The following MALRD1 variants were observed in gnomAD, a reference collection of about 807,000 sequenced individuals.
The protein encoded by MALRD1 is MAM and LDL receptor class A domain containing 1.
A neutral mutation model predicts 242.1 loss-of-function variants in MALRD1; 247 were observed. The ratio of observed to expected loss-of-function variants is 1.02; its 90% confidence interval spans 0.92 to 1.13. The LOEUF (loss-of-function observed/expected upper bound fraction) is 1.13, where lower values mean the gene tolerates loss of function less well. MALRD1 is among the 50% of genes most tolerant of loss of function. The probability of loss-of-function intolerance (pLI) is 0.00; values close to 1 mark genes in which losing one functional copy is unlikely to be tolerated. For synonymous variants in MALRD1, 995 were observed against 866.6 expected (o/e 1.15, Z -2.60); for missense variants, 2,989 against 2,533.1 (o/e 1.18, Z -3.86).
chr10:19,687,622 A>G lies in MALRD1; in HGVS notation c.6138-4660A>G, dbSNP rs567373043. 3.9e-5 allele frequency among the ~76,000 whole-genome samples: 6 copies of G among 152,224 alleles called. No homozygotes were observed. In the East Asian group the frequency reaches 9.7e-4, roughly 25 times the overall value. ...CAACTATAAAAATACCCAACACACCACTTAAAAACAAATACTTGCTTTATC... is the reference window on the plus strand; with the variant it reads ...CAACTATAAAAATACCCAACACACCGCTTAAAAACAAATACTTGCTTTATC... On this transcript the variant is annotated intron_variant, in intron 36 of 39. Coordinates refer to ENST00000454679, the MANE Select transcript of MALRD1 (RefSeq NM_001142308.3).
chr10:19,459,782 TATA>T (rs1340359009), intron 29 of MALRD1, among the ~76,000 whole-genome samples: 1 of 151,120 alleles, frequency 6.6e-6, no homozygotes, highest in Non-Finnish European at 1.5e-5. Context: ...TAAATCATAT[TATA>T]ATGATAAATA....
rs201940559 is a variant in MALRD1 at position 19,190,930 on chromosome 10, C to T, written c.1952-12798C>T. Among the ~76,000 whole-genome samples the T allele has an allele frequency of 2.0e-4, 30 of 151,952 alleles. No individual in the cohort carries two copies. The East Asian group carries it at 5.8e-3, about 29-fold the overall frequency. The stretch of plus-strand genomic sequence containing the variant: ...TAATGGATGACACCAAAGGCACAGG[C>T]AACAAAATAAAAAATAGACAAATTG... On this transcript the variant is annotated intron_variant, in intron 14 of 39. Coordinates refer to ENST00000454679, the MANE Select transcript of MALRD1 (RefSeq NM_001142308.3).
At chr10:19,080,806 G>T (rs997246985) in intron 2 of MALRD1, among the ~76,000 whole-genome samples, 7 of 151,914 alleles carry the variant, frequency 4.6e-5, no homozygotes, top group African/African-American at 1.5e-4. Context: ...CACAGCAAAA[G>T]AAACTATCAT....
intron 36 of MALRD1, among the ~76,000 whole-genome samples, chr10:19,623,942 A>G (rs1040460577): frequency 6.6e-6 from 1 of 152,168 alleles, no homozygotes; most frequent in Non-Finnish European, 1.5e-5. Flanking sequence ...ATATATGAAA[A>G]AAAGATTCAT....
At chr10:19,431,831 C>T (rs1283975320) in intron 28 of MALRD1, among the ~76,000 whole-genome samples, 1 of 152,154 alleles carries the variant, frequency 6.6e-6, no homozygotes. Context: ...GGTTATCAAC[C>T]TTCATGAACG....
intron 2 of MALRD1, among the ~76,000 whole-genome samples, chr10:19,070,647 T>G (rs1835115842): frequency 6.6e-6 from 1 of 152,034 alleles, no homozygotes; most frequent in South Asian, 2.1e-4. Context: ...GTGCATCATC[T>G]CAGATTTACC....
At chr10:19,339,115 A>G (rs757536385) in intron 24 of MALRD1, among the ~76,000 whole-genome samples, 8 of 152,088 alleles carry the variant, frequency 5.3e-5, no homozygotes, top group Admixed American at 3.3e-4. Context: ...CAAAAGTCTG[A>G]AAAACAGTCT....
chr10:19,425,583 T>C (rs1833874940), intron 28 of MALRD1, among the ~76,000 whole-genome samples: 1 of 152,158 alleles, frequency 6.6e-6, no homozygotes, highest in Admixed American at 6.5e-5. Context: ...CTGTTCTCGA[T>C]GGGCTGCAGA....
chr10:19,360,474 C>T (rs1034735661), intron 26 of MALRD1, among the ~76,000 whole-genome samples: 1 of 152,046 alleles, frequency 6.6e-6, no homozygotes, highest in Non-Finnish European at 1.5e-5. Flanking sequence ...AAAATTTCTT[C>T]ATTATGGCAG....
At chr10:19,263,201 T>A (rs180707568) in intron 19 of MALRD1, among the ~76,000 whole-genome samples, 25 of 152,304 alleles carry the variant, frequency 1.6e-4, no homozygotes, top group Middle Eastern at 3.4e-3. Flanking sequence ...CATTTTAAAT[T>A]TTTTGAGCAA....
chr10:19,618,306 G>A lies in MALRD1; in HGVS notation c.6137+2383G>A, dbSNP rs73595866. ...CTGCAGTGAACATACGTATGGAGGTGCCTTTATGACAGTAAAACTTATATT... is the reference window on the plus strand; with the variant it reads ...CTGCAGTGAACATACGTATGGAGGTACCTTTATGACAGTAAAACTTATATT... On this transcript the variant is annotated intron_variant, in intron 36 of 39. Coordinates refer to ENST00000454679, the MANE Select transcript of MALRD1 (RefSeq NM_001142308.3). 2.9e-3 allele frequency among the ~76,000 whole-genome samples: 444 copies of A among 152,136 alleles called. 3 individuals are homozygous for A. Among genetic ancestry groups the A allele is most frequent in the African/African-American group, 0.01 (422 of 41,544 alleles).
intron 31 of MALRD1, among the ~76,000 whole-genome samples, chr10:19,518,606 A>G (rs1833741484): frequency 6.6e-6 from 1 of 152,018 alleles, no homozygotes; most frequent in African/African-American, 2.4e-5. Context: ...CCAGATCTCT[A>G]TTTCCAAATT....
intron 38 of MALRD1, among the ~76,000 whole-genome samples, chr10:19,709,954 G>A (rs1489745978): frequency 1.3e-5 from 2 of 152,102 alleles, no homozygotes; most frequent in African/African-American, 2.4e-5. Flanking sequence ...CTAACACATT[G>A]TGGGAATTTT....
At position 19,255,986 on chromosome 10, in the gene MALRD1, C is replaced by G. The variant is rs538094008; in HGVS notation, c.2992-1698C>G. ...ATAAAAAGTCTTGGAACAATTGACT[C>G]CAAACACCAGAATGGAGCTATGAAT... On this transcript the variant is annotated intron_variant, in intron 18 of 39. Transcript: ENST00000454679. Among the ~76,000 whole-genome samples the G allele has an allele frequency of 5.3e-5, 8 of 152,098 alleles. No individual in the cohort carries two copies. In the South Asian group the frequency reaches 6.2e-4, roughly 12 times the overall value.
At chr10:19,083,595 T>C (rs1201651944) in intron 2 of MALRD1, among the ~76,000 whole-genome samples, 1 of 152,014 alleles carries the variant, frequency 6.6e-6, no homozygotes, top group Non-Finnish European at 1.5e-5. Flanking sequence ...CAATTTCAGA[T>C]GGCATTTTAA....
At chr10:19,306,629 A>C (rs1262476571) in intron 21 of MALRD1, among the ~76,000 whole-genome samples, 1 of 150,648 alleles carries the variant, frequency 6.6e-6, no homozygotes, top group Non-Finnish European at 1.5e-5. Flanking sequence ...ACTTAAATGA[A>C]GGTATATTAG....
chr10:19,625,599 C>G (rs1371835173), intron 36 of MALRD1, among the ~76,000 whole-genome samples: 1 of 152,040 alleles, frequency 6.6e-6, no homozygotes, highest in Non-Finnish European at 1.5e-5. Flanking sequence ...AACTCCATGA[C>G]TTAAAAAAAT....
At position 19,352,087 on chromosome 10, in the gene MALRD1, G is replaced by T; in HGVS notation, c.4231G>T (p.Val1411Phe). ...GGTGTCAGTCACAAACCAAACGAAG[G>T]TTCTACTTAACCTCACTGTAGAACA... Reference protein sequence around the residue: ...MQVSVTNQTKVLLNLTVEQGN... With the variant: ...MQVSVTNQTKFLLNLTVEQGN... The change falls in exon 26 of 40, where the codon GTT becomes TTT. Residue 1411 changes from valine to phenylalanine, a missense_variant. Val to Phe is a conservative substitution (Grantham distance 50). Transcript: ENST00000454679. 1.3e-6 allele frequency: 2 copies of T among 1,550,454 alleles called. No individual in the cohort carries two copies. Among genetic ancestry groups the T allele is most frequent in the East Asian group, 2.4e-5 (1 of 40,910 alleles).
intron 5 of MALRD1, among the ~76,000 whole-genome samples, chr10:19,108,387 CTTTTTTTTTT>C (rs35948766): frequency 1.5e-3 from 30 of 19,756 alleles, no homozygotes; most frequent in Non-Finnish European, 2.1e-3. Context: ...ATTGTTTTTT[CTTTTTTTTTT>C]TTTTTTTTTT....
Sources: allele counts gnomAD v4.1 joint callset (sites outside exome capture counted in the v4.1 genomes callset), GRCh38; gene constraint gnomAD v4.1.1; transcripts MANE v1.5; gene names NCBI Gene and HGNC (gene_info 2026-07-23, HGNC 2026-07-21).